PDE10A: variants seen among roughly 807,000 people sequenced by gnomAD.
PDE10A encodes phosphodiesterase 10A.
PDE10A carries 39 observed loss-of-function variants against 97.7 expected under a neutral mutation model. The observed-to-expected ratio is 0.40, with a 90% CI of 0.31 to 0.52. The LOEUF (loss-of-function observed/expected upper bound fraction) is 0.52. Among genes scored for constraint, PDE10A ranks in the 20% least tolerant of loss-of-function variants. PDE10A has a pLI of 0.56. For synonymous variants in PDE10A, 371 were observed against 376.8 expected (o/e 0.98, Z 0.18); for missense variants, 731 against 1,047.8 (o/e 0.70, Z 4.17).
intron 1 of PDE10A, among the ~76,000 whole-genome samples, chr6:165,595,692 A>C (rs942137920): frequency 1.3e-5 from 2 of 152,184 alleles, no homozygotes; most frequent in African/African-American, 4.8e-5. Flanking sequence ...TATTTTTCAC[A>C]TTTCTGAAGG....
chr6:165,607,587 A>G (rs557528730), intron 1 of PDE10A, among the ~76,000 whole-genome samples: 5 of 152,256 alleles, frequency 3.3e-5, no homozygotes, highest in Middle Eastern at 3.4e-3. Context: ...CTAGTGATGC[A>G]TGTCTCAGAA....
chr6:165,935,722 A>C (rs1783302973), intron 1 of PDE10A, among the ~76,000 whole-genome samples: 3 of 152,220 alleles, frequency 2.0e-5, no homozygotes, highest in African/African-American at 7.2e-5. Context: ...CTCTGCCCTT[A>C]TGAATAGATT....
chr6:165,556,586 G>C (rs1478201508), intron 1 of PDE10A, among the ~76,000 whole-genome samples: 5 of 152,174 alleles, frequency 3.3e-5, no homozygotes, highest in African/African-American at 1.2e-4. Context: ...CCAACTCTCT[G>C]TCACCTGAAA....
At chr6:165,339,410 CTATTTTGATAT>C in intron 19 of PDE10A, 52 bp from the exon 20 acceptor site, 1 of 1,057,050 alleles carries the variant, frequency 9.5e-7, no homozygotes, top group South Asian at 1.3e-5. Flanking sequence ...AATTGCTATA[CTATTTTGATAT>C]TATTGAATTA....
chr6:165,392,767 A>G lies in PDE10A; in HGVS notation c.2333T>C (p.Ile778Thr). 6.2e-7 allele frequency: 1 copy of G among 1,614,114 alleles called. No homozygotes were observed. The highest frequency in any genetic ancestry group is 2.2e-5 in the East Asian group (1 of 44,880). The change falls in exon 16 of 22, where the codon ATT becomes ACT. Residue 778 changes from isoleucine to threonine, a missense_variant. Transcript: ENST00000539869. Reference sequence around the variant, plus strand: ...CCGATAGTTCTTCTTCACAGACATAATAAAACGACACAACTTTTCAAGCTC... The same window carrying G: ...CCGATAGTTCTTCTTCACAGACATAGTAAAACGACACAACTTTTCAAGCTC... ...CFELEKLCRFIMSVKKNYRRV... is the reference protein window; with the variant it reads ...CFELEKLCRFTMSVKKNYRRV...
chr6:165,460,434 G>A (rs893494575), intron 3 of PDE10A, among the ~76,000 whole-genome samples: 4 of 152,128 alleles, frequency 2.6e-5, no homozygotes, highest in Admixed American at 2.6e-4. Context: ...TGAACAGGAG[G>A]ATTTGGAAGC....
chr6:165,566,593 A>G lies in PDE10A; in HGVS notation c.866-23025T>C, dbSNP rs141175992. Among the ~76,000 whole-genome samples the G allele has an allele frequency of 9.3e-3, 1,415 of 152,314 alleles. 11 individuals carry two copies. The highest frequency in any genetic ancestry group is 0.017 in the Middle Eastern group (5 of 294). Reference sequence around the variant, plus strand: ...GGAAATCTCCAAGTAACTCAATTACACTGCGGAACATGATACCAAGGAGAA... The same window carrying G: ...GGAAATCTCCAAGTAACTCAATTACGCTGCGGAACATGATACCAAGGAGAA... On this transcript the variant is annotated intron_variant, in intron 1 of 21. Transcript: ENST00000539869.
chr6:165,444,812 T>G (rs1012888130), intron 5 of PDE10A, among the ~76,000 whole-genome samples: 2 of 152,154 alleles, frequency 1.3e-5, no homozygotes, highest in Non-Finnish European at 2.9e-5. Flanking sequence ...TTTGTTATAT[T>G]TCTCATTACA....
chr6:165,585,958 G>T (rs946893159), intron 1 of PDE10A, among the ~76,000 whole-genome samples: 1 of 152,006 alleles, frequency 6.6e-6, no homozygotes, highest in Non-Finnish European at 1.5e-5. Context: ...ACCAGCTGCC[G>T]CCACAAGCAG....
chr6:165,906,780 A>C (rs1036037814), intron 1 of PDE10A, among the ~76,000 whole-genome samples: 5 of 152,230 alleles, frequency 3.3e-5, no homozygotes, highest in Non-Finnish European at 7.3e-5. Context: ...TTCCCTTAGG[A>C]TCAGGAGTTC....
intron 1 of PDE10A, among the ~76,000 whole-genome samples, chr6:165,678,932 G>A (rs1312182822): frequency 6.6e-6 from 1 of 152,130 alleles, no homozygotes; most frequent in Admixed American, 6.6e-5. Context: ...CTTCCGATTC[G>A]TGTATGTTAA....
intron 1 of PDE10A, chr6:165,576,296 T>C (rs1785301051): frequency 4.3e-6 from 3 of 697,928 alleles, no homozygotes; most frequent in Non-Finnish European, 5.3e-6. Flanking sequence ...TTCTCATCAA[T>C]TGATAATTTT....
At chr6:165,353,315 A>G (rs1181326993) in intron 18 of PDE10A, among the ~76,000 whole-genome samples, 1 of 152,214 alleles carries the variant, frequency 6.6e-6, no homozygotes, top group Non-Finnish European at 1.5e-5. Context: ...ATAATTATTC[A>G]TAAGTATTTC....
At chr6:165,762,304 T>C (rs1214726928) in intron 1 of PDE10A, among the ~76,000 whole-genome samples, 1 of 152,200 alleles carries the variant, frequency 6.6e-6, no homozygotes, top group Non-Finnish European at 1.5e-5. Context: ...CAGCACCTTA[T>C]TAAAACCTTC....
chr6:165,747,581 T>G (rs1345675822), intron 1 of PDE10A, among the ~76,000 whole-genome samples: 1 of 149,860 alleles, frequency 6.7e-6, no homozygotes, highest in East Asian at 1.9e-4. Context: ...CTGAAAATGA[T>G]CAAGTTTTTT....
intron 3 of PDE10A, among the ~76,000 whole-genome samples, chr6:165,454,496 T>C (rs530373293): frequency 6.6e-6 from 1 of 152,170 alleles, no homozygotes; most frequent in Non-Finnish European, 1.5e-5. Flanking sequence ...CCCGTCTTCA[T>C]AAATAGGTTA....
At chr6:165,696,815 T>C (rs1791454915) in intron 1 of PDE10A, among the ~76,000 whole-genome samples, 1 of 152,110 alleles carries the variant, frequency 6.6e-6, no homozygotes, top group African/African-American at 2.4e-5. Context: ...TAATGTTGCA[T>C]CAAGTAGAGA....
intron 1 of PDE10A, among the ~76,000 whole-genome samples, chr6:165,752,129 CAAAAAAAAAAAAA>C (rs58229023): frequency 1.5e-5 from 1 of 66,356 alleles, no homozygotes; most frequent in Admixed American, 1.9e-4. Context: ...GGCAACAGAG[CAAAAAAAAAAAAA>C]AAAAAAAAAA....
chr6:165,335,607 C>T (rs1314249862), intron 21 of PDE10A, among the ~76,000 whole-genome samples: 1 of 152,186 alleles, frequency 6.6e-6, no homozygotes, highest in Non-Finnish European at 1.5e-5. Flanking sequence ...CCAAGGGCTT[C>T]TATCCCAGGC....
Sources: gnomAD v4.1 joint callset for allele counts (sites outside exome capture counted in the v4.1 genomes callset) on GRCh38, gnomAD v4.1.1 for gene constraint, MANE v1.5 for transcripts, NCBI Gene and HGNC (gene_info 2026-07-23, HGNC 2026-07-21) for gene names.